The following KNL1 variants were observed in gnomAD, a reference collection of about 807,000 sequenced individuals.
The protein encoded by KNL1 is outer kinetochore KNL1 complex subunit KNL1.
A neutral mutation model predicts 201.3 loss-of-function variants in KNL1; 66 were observed. That is an observed-to-expected ratio of 0.33 (90% CI 0.27 to 0.40). The LOEUF (loss-of-function observed/expected upper bound fraction) is 0.40. KNL1 is among the 10% of genes least tolerant of loss of function. The pLI is 1.00. For synonymous variants in KNL1, 895 were observed against 899.2 expected, an observed-to-expected ratio of 1.00 and a Z score of 0.08; for missense variants, 2,815 against 2,690.5, an observed-to-expected ratio of 1.05 and a Z score of -1.02.
intron 1 of KNL1, among the ~76,000 whole-genome samples, chr15:40,596,703 A>T (rs1891629715): frequency 6.6e-6 from 1 of 152,032 alleles, no homozygotes; most frequent in South Asian, 2.1e-4. Context: ...ACTTTAATAA[A>T]AAATACTTGC....
chr15:40,653,741 T>C (rs1202972623), intron 21 of KNL1, among the ~76,000 whole-genome samples: 1 of 152,220 alleles, frequency 6.6e-6, no homozygotes, highest in African/African-American at 2.4e-5. Context: ...TATCTCATAC[T>C]ACCTTCCTAC....
Position 40,623,412 on chromosome 15 carries a change from A to G in KNL1, c.3148A>G (p.Ser1050Gly). The G allele has an allele frequency of 6.2e-7, 1 of 1,613,814 alleles. No individual in the cohort carries two copies. Among genetic ancestry groups the G allele is most frequent in the South Asian group, 1.1e-5 (1 of 91,048 alleles). Residue 1050 changes from serine (S) to glycine (G), a missense_variant, in exon 10 of 26, where the codon AGT (serine) becomes GGT (glycine). Around this residue, in one of 3 missense-constraint regions of KNL1, gnomAD observed 2,464 missense variants for 2,291.7 expected, o/e 1.08. Transcript: ENST00000399668. ...ATCKNIKDVQ[S>G]PGFLNEPLSS... Reference sequence around the variant, plus strand: ...TTGCAAAAACATCAAAGATGTACAAAGTCCTGGATTTCTGAATGAACCTCT... The same window carrying G: ...TTGCAAAAACATCAAAGATGTACAAGGTCCTGGATTTCTGAATGAACCTCT...
intron 25 of KNL1, 100 bp downstream of exon 25, chr15:40,659,561 C>T (rs988815465): frequency 1.4e-4 from 147 of 1,042,358 alleles, no homozygotes; most frequent in Non-Finnish European, 7.9e-5. Context: ...GGCGCAATCT[C>T]GGCTCACTGC....
chr15:40,663,099 G>A lies in KNL1; in HGVS notation c.*911G>A, dbSNP rs931148804. 3.4e-4 allele frequency: 54 copies of A among 158,770 alleles called. No individual in the cohort carries two copies. Among genetic ancestry groups the A allele is most frequent in the African/African-American group, 1.2e-3 (50 of 40,806 alleles). The allele number at this position is 158,770 out of a possible 1,614,324, so 9.8% of individuals were successfully genotyped here. On this transcript the variant is annotated 3_prime_UTR_variant, in exon 26 of 26. Coordinates refer to ENST00000399668, the MANE Select transcript of KNL1 (RefSeq NM_144508.5). ...TTTTGAGACGGAGTCTTGCTCTGTC[G>A]CCCAGGCTGGAGTGCAGTGGCATGA...
chr15:40,622,601 A>C lies in KNL1; in HGVS notation c.2337A>C (p.Leu779=). 5 of 1,607,690 alleles carry C rather than the reference A, an allele frequency of 3.1e-6. No individual in the cohort carries two copies. Among genetic ancestry groups the C allele is most frequent in the Non-Finnish European group, 4.2e-6 (5 of 1,177,432 alleles). Residue 779 remains leucine (L), a synonymous_variant, in exon 10 of 26, where the codon CTA becomes CTC. Coordinates refer to ENST00000399668, the MANE Select transcript of KNL1 (RefSeq NM_144508.5). The stretch of plus-strand genomic sequence containing the variant: ...TCATTGGATTTGGTCCTTCTGAACT[A>C]CAAGAACTTGGTAAAACTAATTTAG... ...TVVIGFGPSE[L]QELGKTNLEH... is the part of the protein sequence containing the mutation.
intron 8 of KNL1, among the ~76,000 whole-genome samples, chr15:40,617,951 C>T (rs1185310165): frequency 1.5e-5 from 1 of 68,446 alleles, no homozygotes. Flanking sequence ...GAATGGAAGC[C>T]TGAAATATAA....
chr15:40,633,310 CA>C (rs35570214), intron 13 of KNL1, among the ~76,000 whole-genome samples: 75 of 120,216 alleles, frequency 6.2e-4, no homozygotes, highest in East Asian at 4.2e-3. Context: ...AACTCTGTCT[CA>C]AAAAAAAAAA....
At chr15:40,635,287 C>T (rs372975948) in intron 13 of KNL1, among the ~76,000 whole-genome samples, 3 of 151,938 alleles carry the variant, frequency 2.0e-5, no homozygotes, top group African/African-American at 2.4e-5. Flanking sequence ...CTCCTGACCT[C>T]GTGATCTGCC....
chr15:40,650,125 GAAAAAAA>G (rs77867576), intron 17 of KNL1, 169 bp from the exon 18 acceptor site: 13 of 384,604 alleles, frequency 3.4e-5, no homozygotes, highest in African/African-American at 2.9e-4. Flanking sequence ...CTCTTTCACA[GAAAAAAA>G]AAAAAAAATA....
chr15:40,663,179 C>T lies in KNL1; in HGVS notation c.*991C>T, dbSNP rs1435876079. 2 of 157,468 alleles carry T rather than the reference C, an allele frequency of 1.3e-5. No individual in the cohort carries two copies. The highest frequency in any genetic ancestry group is 2.8e-5 in the Non-Finnish European group (2 of 71,540). The allele number at this position is 157,468 out of a possible 1,614,324, so 9.8% of individuals were successfully genotyped here. On this transcript the variant is annotated 3_prime_UTR_variant, in exon 26 of 26. Coordinates refer to ENST00000399668, the MANE Select transcript of KNL1 (RefSeq NM_144508.5). ...GGTTCACGCCATTCTCCTGCCTCAG[C>T]CTCCCGAGTAGCTGGGACTACAGGT... is the stretch of plus-strand genomic sequence containing the variant.
chr15:40,625,828 C>A (rs981712868), intron 10 of KNL1, 188 bp downstream of exon 10: 2 of 507,078 alleles, frequency 3.9e-6, no homozygotes, highest in South Asian at 6.1e-5. Context: ...AGCTAGACTT[C>A]AAAGCAATTT....
rs1245137927 is a variant in KNL1 at position 40,615,354 on chromosome 15, G to A, written c.298G>A (p.Glu100Lys). The change falls in exon 8 of 26, where the codon GAA (glutamate) becomes AAA (lysine). Residue 100 changes from glutamate to lysine, a missense_variant. Coordinates refer to ENST00000399668, the MANE Select transcript of KNL1 (RefSeq NM_144508.5). The stretch of plus-strand genomic sequence containing the variant: ...TTTAATTTTTAGGAATAAGAAATTA[G>A]AAGATAATTACTGTGAAATTACTGG... ...NLLLIQNKKL[E>K]DNYCEITGMN... The A allele has an allele frequency of 1.4e-6, 1 of 705,054 alleles. No individual in the cohort carries two copies. The allele number at this position is 705,054 out of a possible 1,614,324, so 43.7% of individuals were successfully genotyped here.
At chr15:40,654,438 C>T (rs1422658615) in intron 21 of KNL1, among the ~76,000 whole-genome samples, 2 of 151,504 alleles carry the variant, frequency 1.3e-5, no homozygotes, top group Non-Finnish European at 2.9e-5. Flanking sequence ...TGAACAGTCT[C>T]AGGGGAGCCT....
At chr15:40,628,282 G>A in intron 11 of KNL1, 74 bp downstream of exon 11, 1 of 1,441,838 alleles carries the variant, frequency 6.9e-7, no homozygotes. Context: ...TTTCAGTTCA[G>A]GAAATATTTG....
chr15:40,628,023 A>G, intron 10 of KNL1, 47 bp from the exon 11 acceptor site: 2 of 1,329,466 alleles, frequency 1.5e-6, no homozygotes, highest in Non-Finnish European at 2.1e-6. Context: ...TCGTAAGTAT[A>G]CAGTGTATAT....
At chr15:40,652,208 TGAG>T (rs1893586816) in intron 21 of KNL1, 103 bp downstream of exon 21, 2 of 609,644 alleles carry the variant, frequency 3.3e-6, no homozygotes, top group African/African-American at 3.6e-5. Flanking sequence ...ATTGGCATGA[TGAG>T]AGCACTGCTG....
chr15:40,661,898 G>A (rs974202801), intron 25 of KNL1, among the ~76,000 whole-genome samples, 176 bp from the exon 26 acceptor site: 7 of 151,512 alleles, frequency 4.6e-5, no homozygotes, highest in South Asian at 2.1e-4. Flanking sequence ...AAAATTAGCC[G>A]GGCGTGGTGG....
At chr15:40,641,066 G>T (rs187254797) in intron 14 of KNL1, 39 bp downstream of exon 14, 2 of 1,323,382 alleles carry the variant, frequency 1.5e-6, no homozygotes, top group Non-Finnish European at 2.2e-6. Flanking sequence ...TTTTTTGAGG[G>T]GAGGGATCAG....
intron 1 of KNL1, among the ~76,000 whole-genome samples, chr15:40,595,503 G>A (rs1193928635): frequency 6.6e-6 from 1 of 152,142 alleles, no homozygotes; most frequent in Non-Finnish European, 1.5e-5. Flanking sequence ...TTGACTTTGC[G>A]AATGGCTGGA....
Sources: gnomAD v4.1 joint callset for allele counts (sites outside exome capture counted in the v4.1 genomes callset) on GRCh38, gnomAD v4.1.1 for gene constraint, gnomAD v4.1.1 regional missense constraint, MANE v1.5 for transcripts, NCBI Gene and HGNC (gene_info 2026-07-23, HGNC 2026-07-21) for gene names.